Variants in PYGB observed in about 807,000 individuals in gnomAD.
PYGB encodes glycogen phosphorylase, brain form.
In PYGB, 82 loss-of-function variants were observed where a neutral mutation model predicts 94.3. The observed-to-expected ratio is 0.87, with a 90% CI of 0.73 to 1.04. PYGB has a LOEUF of 1.04. Ranked by LOEUF, PYGB falls within the 50% of genes least tolerant of loss-of-function variation. The pLI is 0.00. For synonymous variants in PYGB, 488 were observed against 479.1 expected (o/e 1.02, Z -0.24); for missense variants, 1,132 against 1,158.2 (o/e 0.98, Z 0.33).
At chr20:25,249,667 G>A (rs1052696640) in intron 1 of PYGB, among the ~76,000 whole-genome samples, 4 of 152,174 alleles carry the variant, frequency 2.6e-5, no homozygotes, top group African/African-American at 9.7e-5. Flanking sequence ...TGGTAAAAGG[G>A]ACAGATTTGT....
At chr20:25,293,827 C>A in intron 17 of PYGB, 1 of 361,218 alleles carries the variant, frequency 2.8e-6, no homozygotes, top group South Asian at 2.6e-5. Context: ...CCCAGGATTT[C>A]ACAGTGAGCC....
At chr20:25,258,344 C>T (rs2092906726) in intron 1 of PYGB, among the ~76,000 whole-genome samples, 1 of 152,242 alleles carries the variant, frequency 6.6e-6, no homozygotes, top group East Asian at 1.9e-4. Context: ...TCGCTACATC[C>T]ACCCCACCCT....
chr20:25,254,054 G>A (rs1456155431), intron 1 of PYGB, among the ~76,000 whole-genome samples: 1 of 140,840 alleles, frequency 7.1e-6, no homozygotes, highest in Non-Finnish European at 1.5e-5. Context: ...CCTGGGCAAC[G>A]GAGCGAGACT....
At position 25,281,816 on chromosome 20, in the gene PYGB, C is replaced by G. The variant is rs549739697; in HGVS notation, c.1404-217C>G. On this transcript the variant is annotated intron_variant, in intron 11 of 19. Transcript: ENST00000216962. ...CCTGCAAGGTTGTGGTTGGGCAAAC[C>G]GCACAGCCAGCCACAGATGCCCCGG... is the stretch of plus-strand genomic sequence containing the variant. Among the ~76,000 whole-genome samples, 495 of 152,314 alleles carry G rather than the reference C, an allele frequency of 3.2e-3. 3 individuals carry two copies. The highest frequency in any genetic ancestry group is 0.011 in the African/African-American group (462 of 41,536).
intron 4 of PYGB, 68 bp from the exon 5 acceptor site, chr20:25,274,524 G>A (rs2088293129): frequency 6.4e-7 from 1 of 1,557,404 alleles, no homozygotes; most frequent in African/African-American, 1.4e-5. Context: ...CGGTCTGCTG[G>A]GTCCAGGACA....
At chr20:25,276,593 G>C in intron 5 of PYGB, 53 bp from the exon 6 acceptor site, 1 of 1,495,200 alleles carries the variant, frequency 6.7e-7, no homozygotes, top group Non-Finnish European at 9.3e-7. Flanking sequence ...AGAGGCACAG[G>C]GGCCGGCGGG....
intron 16 of PYGB, among the ~76,000 whole-genome samples, chr20:25,291,025 C>T (rs2088462725): frequency 6.6e-6 from 1 of 152,000 alleles, no homozygotes. Context: ...TCCTGCCCCT[C>T]AGCCGTGTCT....
At chr20:25,294,898 CA>C in intron 18 of PYGB, 1 of 1,541,328 alleles carries the variant, frequency 6.5e-7, no homozygotes, top group South Asian at 1.1e-5. Flanking sequence ...ACCTGCCCTC[CA>C]CTTTCAGCTG....
intron 3 of PYGB, among the ~76,000 whole-genome samples, chr20:25,270,828 G>GTTTT (rs1407601049): frequency 6.6e-6 from 1 of 152,194 alleles, no homozygotes; most frequent in Non-Finnish European, 1.5e-5. Context: ...GTTTTGTTTT[G>GTTTT]TTTTTCTTTC....
intron 8 of PYGB, 67 bp from the exon 9 acceptor site, chr20:25,278,990 A>G (rs979846923): frequency 4.1e-5 from 60 of 1,481,476 alleles, no homozygotes; most frequent in Non-Finnish European, 5.4e-5. Flanking sequence ...GGAGCTTCGT[A>G]TGCCAACAAC....
intron 7 of PYGB, among the ~76,000 whole-genome samples, 174 bp downstream of exon 7, chr20:25,277,500 C>T (rs1179814587): frequency 1.3e-5 from 2 of 152,188 alleles, no homozygotes; most frequent in African/African-American, 4.8e-5. Context: ...AGAGGGTGCA[C>T]TGTCCTCCAT....
At position 25,269,177 on chromosome 20, in the gene PYGB, C is replaced by T. The variant is rs1221762853; in HGVS notation, c.394C>T (p.Leu132Phe). ...ELEEIEEDAG[L>F]GNGGLGRLAA... Reference sequence around the variant, plus strand: ...CGAGGAGATAGAAGAAGATGCTGGCCTTGGGAATGGAGGCCTGGGGAGGCT... The same window carrying T: ...CGAGGAGATAGAAGAAGATGCTGGCTTTGGGAATGGAGGCCTGGGGAGGCT... The change falls in exon 3 of 20, where the codon CTT (leucine) becomes TTT (phenylalanine). Residue 132 changes from leucine to phenylalanine, a missense_variant. Physicochemically the swap from Leu to Phe is conservative, Grantham distance 22. Coordinates refer to ENST00000216962, the MANE Select transcript of PYGB (RefSeq NM_002862.4). 1 of 1,601,008 alleles carries T rather than the reference C, an allele frequency of 6.2e-7. No individual in the cohort carries two copies. Among genetic ancestry groups the T allele is most frequent in the Non-Finnish European group, 8.6e-7 (1 of 1,168,286 alleles).
Position 25,248,358 on chromosome 20 carries a change from G to A in PYGB, c.180G>A (p.Val60=), listed in dbSNP as rs200982201. 1 of 1,598,768 alleles carries A rather than the reference G, an allele frequency of 6.3e-7. No homozygotes were observed. Among genetic ancestry groups the A allele is most frequent in the East Asian group, 2.3e-5 (1 of 43,506 alleles). ...ACTTCTTCGCGCTGGCGCACACGGTGCGCGACCACCTCGTGGGCCGCTGGA... is the reference window on the plus strand; with the variant it reads ...ACTTCTTCGCGCTGGCGCACACGGTACGCGACCACCTCGTGGGCCGCTGGA... The part of the protein sequence containing the change: ...RDYFFALAHT[V]RDHLVGRWIR... Residue 60 remains valine (V), a synonymous_variant, in exon 1 of 20, where the codon GTG becomes GTA. Transcript: ENST00000216962.
At chr20:25,277,398 C>T (rs1425829506) in intron 7 of PYGB, 72 bp downstream of exon 7, 25 of 1,449,080 alleles carry the variant, frequency 1.7e-5, no homozygotes, top group Admixed American at 5.3e-5. Context: ...GCTGGCTGGC[C>T]GGGCTCCCCA....
chr20:25,284,521 C>T (rs538916447), intron 14 of PYGB, among the ~76,000 whole-genome samples: 2 of 152,358 alleles, frequency 1.3e-5, no homozygotes, highest in East Asian at 3.9e-4. Context: ...GCAGTCTTGA[C>T]CTCCAAGGGC....
chr20:25,286,003 C>A (rs1485534554), intron 14 of PYGB, among the ~76,000 whole-genome samples: 1 of 152,246 alleles, frequency 6.6e-6, no homozygotes, highest in Admixed American at 6.5e-5. Flanking sequence ...ACTCCACTTC[C>A]TTCCCCCAGT....
chr20:25,281,282 G>A (rs376948074), intron 11 of PYGB, among the ~76,000 whole-genome samples, 170 bp downstream of exon 11: 18 of 152,194 alleles, frequency 1.2e-4, no homozygotes, highest in African/African-American at 4.1e-4. Context: ...TCAGGGTCAC[G>A]CCTTGTTGTG....
chr20:25,286,863 G>A (rs2088422736), intron 14 of PYGB, among the ~76,000 whole-genome samples: 1 of 152,214 alleles, frequency 6.6e-6, no homozygotes, highest in Non-Finnish European at 1.5e-5. Context: ...CTGTGACCTG[G>A]GGTTTGCATG....
chr20:25,277,401 G>A, intron 7 of PYGB, 75 bp downstream of exon 7: 1 of 1,414,610 alleles, frequency 7.1e-7, no homozygotes, highest in Middle Eastern at 1.8e-4. Flanking sequence ...GGCTGGCCGG[G>A]CTCCCCAGTG....
Sources: gnomAD v4.1 joint callset for allele counts (sites outside exome capture counted in the v4.1 genomes callset) on GRCh38, gnomAD v4.1.1 for gene constraint, MANE v1.5 for transcripts, NCBI Gene and HGNC (gene_info 2026-07-23, HGNC 2026-07-21) for gene names.